ARHGAP39: variants seen among roughly 807,000 people sequenced by gnomAD.
The protein encoded by ARHGAP39 is rho GTPase-activating protein 39.
Under a neutral mutation model 106.9 loss-of-function variants are expected in ARHGAP39, and 44 were observed. The ratio of observed to expected loss-of-function variants is 0.41; its 90% confidence interval spans 0.32 to 0.53. The LOEUF (loss-of-function observed/expected upper bound fraction) is 0.53, where lower values mean the gene tolerates loss of function less well. Among genes scored for constraint, ARHGAP39 ranks in the 20% least tolerant of loss-of-function variants. The pLI is 0.21. For missense variants in ARHGAP39, 1,496 were observed against 1,577.3 expected (o/e 0.95, Z 0.87); for synonymous variants, 768 against 693.2 (o/e 1.11, Z -1.69).
chr8:144,693,556 G>C, the ARHGAP39 span, among the ~76,000 whole-genome samples: 1 of 150,428 alleles, frequency 6.6e-6, no homozygotes. Context: ...TATATTGTTA[G>C]TAGAGACGGG....
chr8:144,622,013 A>T (rs555619098), intron 1 of ARHGAP39, among the ~76,000 whole-genome samples: 25 of 152,310 alleles, frequency 1.6e-4, no homozygotes, highest in Non-Finnish European at 3.2e-4. Context: ...AAAATAATCA[A>T]ATCAACTGGA....
chr8:144,648,254 G>A (rs772383821), intron 1 of ARHGAP39, among the ~76,000 whole-genome samples: 2 of 152,202 alleles, frequency 1.3e-5, no homozygotes, highest in Non-Finnish European at 2.9e-5. Context: ...CATAGCTCCT[G>A]TCTTGACTGT....
intron 1 of ARHGAP39, among the ~76,000 whole-genome samples, chr8:144,680,555 G>A (rs938516061): frequency 4.6e-5 from 7 of 152,000 alleles, no homozygotes; most frequent in African/African-American, 1.2e-4. Flanking sequence ...TAAGTTCCCC[G>A]AAAGCATGTC....
intron 1 of ARHGAP39, among the ~76,000 whole-genome samples, chr8:144,622,144 G>A (rs1029206525): frequency 4.6e-5 from 7 of 152,134 alleles, no homozygotes; most frequent in South Asian, 2.1e-4. Flanking sequence ...TGCCAGCAGC[G>A]GGACACAGGC....
intron 7 of ARHGAP39, among the ~76,000 whole-genome samples, chr8:144,535,032 G>C (rs943535927): frequency 6.6e-6 from 1 of 152,218 alleles, no homozygotes; most frequent in Admixed American, 6.5e-5. Context: ...GGGGCCAGGG[G>C]AGCCATGGAC....
In ARHGAP39 at chr8:144,547,769, C is replaced by G. The variant is rs752316459; in HGVS notation, c.1317G>C (p.Gln439His). Residue 439 changes from glutamine (Q) to histidine (H), a missense_variant, in exon 5 of 12, where the codon CAG becomes CAC. Gln to His is a conservative substitution (Grantham distance 24). Around this residue, in one of 4 missense-constraint regions of ARHGAP39, gnomAD observed 905 missense variants for 816.4 expected, o/e 1.11. Coordinates refer to ENST00000377307, the MANE Select transcript of ARHGAP39 (RefSeq NM_025251.3). The surrounding 1 kb of genome is among the most constrained non-coding windows in gnomAD (Gnocchi z 5.2). ...LQPSPCLLRD[Q>H]RLGVKSGDYS... ...AGTCTCCGGACTTGACGCCCAGGCG[C>G]TGGTCCCTCAGCAGGCAGGGGCTGG... The G allele has an allele frequency of 1.3e-5, 20 of 1,598,240 alleles. No homozygotes were observed. Among genetic ancestry groups the G allele is most frequent in the Admixed American group, 1.7e-5 (1 of 59,272 alleles).
intron 2 of ARHGAP39, among the ~76,000 whole-genome samples, chr8:144,583,105 C>G (rs895591234): frequency 6.6e-6 from 1 of 152,156 alleles, no homozygotes; most frequent in Non-Finnish European, 1.5e-5. Flanking sequence ...CCGTGCTTTC[C>G]CTTCTCAGCC....
intron 3 of ARHGAP39, among the ~76,000 whole-genome samples, chr8:144,571,973 A>G (rs1818603049): frequency 6.6e-6 from 1 of 152,222 alleles, no homozygotes; most frequent in South Asian, 2.1e-4. Context: ...CTGCACAACG[A>G]AATAAGAGGA....
chr8:144,697,269 G>A, the ARHGAP39 span, among the ~76,000 whole-genome samples: 5 of 149,044 alleles, frequency 3.4e-5, no homozygotes, highest in South Asian at 1.1e-3. Flanking sequence ...GGAGGAGGTT[G>A]CAGTAAGCTG....
chr8:144,659,361 C>G (rs1353127046), intron 1 of ARHGAP39, among the ~76,000 whole-genome samples: 1 of 152,212 alleles, frequency 6.6e-6, no homozygotes, highest in Non-Finnish European at 1.5e-5. Context: ...AAGAATGCTT[C>G]TTAACACAAT....
At chr8:144,675,085 G>T (rs955764800) in intron 1 of ARHGAP39, among the ~76,000 whole-genome samples, 2 of 152,088 alleles carry the variant, frequency 1.3e-5, no homozygotes, top group African/African-American at 4.8e-5. Context: ...TTGGAAGGGG[G>T]TGCAGCTCCT....
intron 3 of ARHGAP39, among the ~76,000 whole-genome samples, chr8:144,557,725 G>A (rs1002487260): frequency 4.6e-5 from 5 of 107,838 alleles, no homozygotes; most frequent in African/African-American, 1.6e-4. Flanking sequence ...AGTATTCAGC[G>A]GCAAAAGGCT....
At position 144,552,820 on chromosome 8, in the gene ARHGAP39, G is replaced by A. The variant is rs114131991; in HGVS notation, c.596+2740C>T. Among the ~76,000 whole-genome samples the A allele has an allele frequency of 1.0e-2, 1,514 of 151,478 alleles. 25 individuals carry two copies. Among genetic ancestry groups the A allele is most frequent in the African/African-American group, 0.035 (1,448 of 41,284 alleles). ...ATTTCTTTTTTTTTTTTCCCTGAGC[G>A]AACTGCATCCATATAATTTATTTCA... On this transcript the variant is annotated intron_variant, in intron 4 of 11. Transcript: ENST00000377307.
intron 1 of ARHGAP39, among the ~76,000 whole-genome samples, chr8:144,667,471 C>A (rs1004564315): frequency 3.3e-5 from 5 of 152,188 alleles, no homozygotes; most frequent in Non-Finnish European, 7.3e-5. Flanking sequence ...TCACATGTCA[C>A]GTGTCTGCTT....
intron 6 of ARHGAP39, 81 bp from the exon 7 acceptor site, chr8:144,537,894 T>C: frequency 6.2e-6 from 8 of 1,292,190 alleles, no homozygotes; most frequent in African/African-American, 1.5e-5. Flanking sequence ...ACTTGGCTGG[T>C]GAGCAGGCCC....
At position 144,567,814 on chromosome 8, in the gene ARHGAP39, T is replaced by G. The variant is rs190246857; in HGVS notation, c.513-12171A>C. ...AAGGGCCCCCTGGCCAGTGGACATG[T>G]GACCCACGTGGCTTTACCTATCATT... On this transcript the variant is annotated intron_variant, in intron 3 of 11. Transcript: ENST00000377307. Among the ~76,000 whole-genome samples the G allele has an allele frequency of 9.2e-5, 14 of 152,314 alleles. 1 individual carries two copies. The East Asian group carries it at 2.7e-3, about 29-fold the overall frequency.
chr8:144,697,071 T>C, the ARHGAP39 span, among the ~76,000 whole-genome samples: 3 of 152,182 alleles, frequency 2.0e-5, no homozygotes, highest in Admixed American at 2.0e-4. Context: ...ATGCCTGTAA[T>C]CCCAGCACTT....
chr8:144,696,669 TAACATA>T, the ARHGAP39 span, among the ~76,000 whole-genome samples: 1 of 152,226 alleles, frequency 6.6e-6, no homozygotes, highest in Non-Finnish European at 1.5e-5. Context: ...AAAATTCATA[TAACATA>T]AAATTTACCA....
intron 8 of ARHGAP39, among the ~76,000 whole-genome samples, chr8:144,533,861 C>G (rs1386636288): frequency 6.6e-6 from 1 of 152,032 alleles, no homozygotes. Context: ...GAACGGGGTC[C>G]TGTCCCTGTG....
Sources: allele counts gnomAD v4.1 joint callset (sites outside exome capture counted in the v4.1 genomes callset), GRCh38; gene constraint gnomAD v4.1.1; regional missense constraint gnomAD v4.1.1; non-coding constraint Gnocchi (gnomAD v3.1); transcripts MANE v1.5; gene names NCBI Gene and HGNC (gene_info 2026-07-23, HGNC 2026-07-21).